Variants in THBS2 observed in about 807,000 individuals in gnomAD.
THBS2 encodes the protein thrombospondin-2.
In THBS2, 47 loss-of-function variants were observed where a neutral mutation model predicts 135.2. That is an observed-to-expected ratio of 0.35 (90% CI 0.28 to 0.44). THBS2 has a LOEUF of 0.44. Among genes scored for constraint, THBS2 ranks in the 20% least tolerant of loss-of-function variants. The pLI is 1.00. For synonymous variants in THBS2, 639 were observed against 633.8 expected, an observed-to-expected ratio of 1.01 and a Z score of -0.12; for missense variants, 1,288 against 1,603.1, an observed-to-expected ratio of 0.80 and a Z score of 3.36.
chr6:169,231,922 C>G (rs922018489), intron 13 of THBS2, 58 bp downstream of exon 13: 98 of 1,583,820 alleles, frequency 6.2e-5, no homozygotes, highest in Non-Finnish European at 8.3e-5. Flanking sequence ...GCGTCCCCGG[C>G]GCCAGGAGGA....
At chr6:169,233,974 T>C (rs1779944381) in intron 10 of THBS2, among the ~76,000 whole-genome samples, 2 of 146,390 alleles carry the variant, frequency 1.4e-5, no homozygotes, top group East Asian at 4.1e-4. Context: ...CATAACTACA[T>C]GCAAGGTGAC....
chr6:169,223,257 T>C lies in THBS2; in HGVS notation c.2992A>G (p.Ile998Val). 1 of 1,613,542 alleles carries C rather than the reference T, an allele frequency of 6.2e-7. No individual in the cohort carries two copies. Among genetic ancestry groups the C allele is most frequent in the South Asian group, 1.1e-5 (1 of 91,040 alleles). ...TGTCTCAGAGACTCACCTACAGCGATGCCGGGGTCCGAGTTGGCTGTCTGA... is the reference window on the plus strand; with the variant it reads ...TGTCTCAGAGACTCACCTACAGCGACGCCGGGGTCCGAGTTGGCTGTCTGA... ...LVQTANSDPG[I>V]AVGFDEFGSV... The change falls in exon 18 of 22, where the codon ATC becomes GTC. Residue 998 changes from isoleucine to valine, a missense_variant. Transcript: ENST00000617924.
At chr6:169,243,871 T>C (rs1336830248) in intron 4 of THBS2, among the ~76,000 whole-genome samples, 1 of 152,206 alleles carries the variant, frequency 6.6e-6, no homozygotes, top group Non-Finnish European at 1.5e-5. Context: ...TGGCTCAGCC[T>C]CTTCACAAGG....
chr6:169,242,464 C>T (rs1404328970), intron 4 of THBS2, among the ~76,000 whole-genome samples: 1 of 151,918 alleles, frequency 6.6e-6, no homozygotes, highest in African/African-American at 2.4e-5. Flanking sequence ...TGGCTCCTTG[C>T]TCTGCTTTAA....
At position 169,237,841 on chromosome 6, in the gene THBS2, A is replaced by T. The variant is rs1201492018; in HGVS notation, c.1130-46T>A. 6 of 1,586,836 alleles carry T rather than the reference A, an allele frequency of 3.8e-6. No homozygotes were observed. The East Asian group carries it at 1.3e-4, about 36-fold the overall frequency. The stretch of plus-strand genomic sequence containing the variant: ...GGTGGCATCAGGCCCTGCCTCACAG[A>T]CGTGCCACAGAACAGAACGGGCACA... On this transcript the variant is annotated intron_variant, in intron 7 of 21. Transcript: ENST00000617924.
In THBS2 at chr6:169,223,357, C is replaced by T. The variant is rs1332167252; in HGVS notation, c.2892G>A (p.Met964Ile). 6.2e-7 allele frequency: 1 copy of T among 1,614,112 alleles called. No individual in the cohort carries two copies. Among genetic ancestry groups the T allele is most frequent in the East Asian group, 2.2e-5 (1 of 44,874 alleles). Residue 964 changes from methionine to isoleucine, a missense_variant, in exon 18 of 22, where the codon ATG (methionine) becomes ATA (isoleucine). Physicochemically the swap from Met to Ile is conservative, Grantham distance 10 (BLOSUM62 1). This residue lies in a region of THBS2 where 874 missense variants were observed against 1,156.1 expected (regional missense o/e 0.76). Coordinates refer to ENST00000617924, the MANE Select transcript of THBS2 (RefSeq NM_003247.5). ...ISETDFRNFQ[M>I]VPLDPKGTTQ... ...TGGTCCCTTTGGGATCCAAGGGGAC[C>T]ATCTGGAAGTTCCTGAAGTCTGTCT...
At chr6:169,229,959 A>C (rs776547375) in intron 13 of THBS2, among the ~76,000 whole-genome samples, 7 of 152,190 alleles carry the variant, frequency 4.6e-5, no homozygotes, top group African/African-American at 7.2e-5. Context: ...CAACTGCAGA[A>C]ACAAGAAGAG....
chr6:169,236,736 T>C (rs1237852882), intron 9 of THBS2, among the ~76,000 whole-genome samples: 21 of 118,382 alleles, frequency 1.8e-4, no homozygotes, highest in African/African-American at 5.3e-4. Flanking sequence ...TCCACACTCA[T>C]TCCCCATCCA....
chr6:169,251,333 A>C (rs1780746996), intron 1 of THBS2, among the ~76,000 whole-genome samples: 1 of 152,254 alleles, frequency 6.6e-6, no homozygotes, highest in Non-Finnish European at 1.5e-5. Flanking sequence ...AAAAAGTTAC[A>C]AATAAACTTA....
At chr6:169,242,356 C>T (rs543823615) in intron 4 of THBS2, among the ~76,000 whole-genome samples, 26 of 152,190 alleles carry the variant, frequency 1.7e-4, no homozygotes, top group African/African-American at 5.5e-4. Flanking sequence ...GCAAAGCTTC[C>T]GACCACAAAT....
At position 169,248,784 on chromosome 6, in the gene THBS2, T is replaced by C. The variant is rs1320609627; in HGVS notation, c.242A>G (p.Lys81Arg). Reference sequence around the variant, plus strand: ...CTGGGCCGTGAGGAAGAAGCCCTCCTTCTGCCGCATGATCTTGGTGATCTT... The same window carrying C: ...CTGGGCCGTGAGGAAGAAGCCCTCCCTCTGCCGCATGATCTTGGTGATCTT... ...LSKITKIMRQKEGFFLTAQLK... is the reference protein window; with the variant it reads ...LSKITKIMRQREGFFLTAQLK... The change falls in exon 3 of 22, where the codon AAG becomes AGG. Residue 81 changes from lysine (K) to arginine (R), a missense_variant. Coordinates refer to ENST00000617924, the MANE Select transcript of THBS2 (RefSeq NM_003247.5). 6.2e-7 allele frequency: 1 copy of C among 1,611,860 alleles called. No homozygotes were observed. The highest frequency in any genetic ancestry group is 8.5e-7 in the Non-Finnish European group (1 of 1,179,986).
intron 9 of THBS2, among the ~76,000 whole-genome samples, chr6:169,236,453 T>A: frequency 1.2e-5 from 1 of 83,818 alleles, no homozygotes; most frequent in Admixed American, 1.5e-4. Flanking sequence ...CATTGCCCCG[T>A]AAACACCATC....
At chr6:169,244,982 T>A (rs1780494079) in intron 4 of THBS2, among the ~76,000 whole-genome samples, 1 of 152,262 alleles carries the variant, frequency 6.6e-6, no homozygotes, top group Non-Finnish European at 1.5e-5. Flanking sequence ...ACCCCGGTTC[T>A]GAAGTAGGCG....
chr6:169,235,580 C>A (rs1029843769), intron 9 of THBS2, among the ~76,000 whole-genome samples: 2 of 152,012 alleles, frequency 1.3e-5, no homozygotes, highest in African/African-American at 4.8e-5. Context: ...CCCTAGTCTG[C>A]ACAGACGCAG....
chr6:169,216,057 A>G lies in THBS2; in HGVS notation c.*1765T>C, dbSNP rs1481631144. Reference sequence around the variant, plus strand: ...ACGGTTGACCCCACAACACAGAAACAGAAAACCTGCACGCTGTTGACAGTC... The same window carrying G: ...ACGGTTGACCCCACAACACAGAAACGGAAAACCTGCACGCTGTTGACAGTC... On this transcript the variant is annotated 3_prime_UTR_variant, in exon 22 of 22. Coordinates refer to ENST00000617924, the MANE Select transcript of THBS2 (RefSeq NM_003247.5). The G allele has an allele frequency of 3.3e-5, 5 of 152,336 alleles. No homozygotes were observed. The highest frequency in any genetic ancestry group is 7.2e-5 in the African/African-American group (3 of 41,456). The allele number at this position is 152,336 out of a possible 1,614,324, so 9.4% of individuals were successfully genotyped here.
At chr6:169,228,022 A>C in intron 15 of THBS2, 100 bp downstream of exon 15, 2 of 1,402,514 alleles carry the variant, frequency 1.4e-6, no homozygotes, top group South Asian at 3.0e-5. Context: ...TGGAGATCGC[A>C]GTGAGCCAAG....
At chr6:169,249,206 G>A (rs1042266545) in intron 2 of THBS2, among the ~76,000 whole-genome samples, 2 of 152,234 alleles carry the variant, frequency 1.3e-5, no homozygotes, top group African/African-American at 2.4e-5. Context: ...CTGCGGGTCT[G>A]TGGGGTCAGT....
At position 169,241,769 on chromosome 6, in the gene THBS2, T is replaced by C. The variant is rs1004723410; in HGVS notation, c.884A>G (p.Lys295Arg). ...VLVNQLSENL[K>R]RVSNDNQFLW... ...CCCTGCGTGAGTACCCACCACTCTCTTGAGGTTCTCGCTGAGCTGGTTCAC... is the reference window on the plus strand; with the variant it reads ...CCCTGCGTGAGTACCCACCACTCTCCTGAGGTTCTCGCTGAGCTGGTTCAC... Residue 295 changes from lysine to arginine, a missense_variant, in exon 5 of 22, where the codon AAG becomes AGG. Lys to Arg is a conservative substitution (Grantham distance 26, BLOSUM62 2). This residue lies in a region of THBS2 where 414 missense variants were observed against 447.0 expected (regional missense o/e 0.93). Coordinates refer to ENST00000617924, the MANE Select transcript of THBS2 (RefSeq NM_003247.5). The surrounding 1 kb of genome is among the most constrained non-coding windows in gnomAD (Gnocchi z 5.5). The C allele has an allele frequency of 8.1e-6, 13 of 1,609,038 alleles. No individual in the cohort carries two copies. The African/African-American group carries it at 1.5e-4, about 18-fold the overall frequency.
At chr6:169,236,511 ACACT>A (rs1298247315) in intron 9 of THBS2, among the ~76,000 whole-genome samples, 2 of 113,984 alleles carry the variant, frequency 1.8e-5, no homozygotes, top group Non-Finnish European at 3.6e-5. Context: ...ACTCCCATCT[ACACT>A]CACTCCCCAT....
Sources: allele counts gnomAD v4.1 joint callset (sites outside exome capture counted in the v4.1 genomes callset), GRCh38; gene constraint gnomAD v4.1.1; regional missense constraint gnomAD v4.1.1; non-coding constraint Gnocchi (gnomAD v3.1); transcripts MANE v1.5; gene names NCBI Gene and HGNC (gene_info 2026-07-23, HGNC 2026-07-21).